The following ERO1B variants were observed in gnomAD, a reference collection of about 807,000 sequenced individuals.
ERO1B encodes the protein endoplasmic reticulum oxidoreductase 1 beta, also known as ERO1-like protein beta.
Under a neutral mutation model 75.3 loss-of-function variants are expected in ERO1B, and 49 were observed. The ratio of observed to expected loss-of-function variants is 0.65; its 90% CI spans 0.52 to 0.83. The LOEUF (loss-of-function observed/expected upper bound fraction) is 0.83, where lower values mean the gene tolerates loss of function less well. Ranked by LOEUF, ERO1B falls within the 40% of genes least tolerant of loss-of-function variation. ERO1B has a pLI of 0.00. For missense variants in ERO1B, 512 were observed against 560.1 expected, an observed-to-expected ratio of 0.91 and a Z score of 0.87; for synonymous variants, 191 against 192.9, an observed-to-expected ratio of 0.99 and a Z score of 0.08.
At chr1:236,269,829 C>T (rs756583871) in intron 2 of ERO1B, 46 bp downstream of exon 2, 3 of 1,365,782 alleles carry the variant, frequency 2.2e-6, no homozygotes, top group South Asian at 2.4e-5. Flanking sequence ...ATAAAGGTCA[C>T]ATATAATACC....
chr1:236,263,061 G>A lies in ERO1B; in HGVS notation c.222+6814C>T, dbSNP rs115175736. On this transcript the variant is annotated intron_variant, in intron 2 of 15. Coordinates refer to ENST00000354619, the MANE Select transcript of ERO1B (RefSeq NM_019891.4). ...CTTACCTGAGGTTTCCACTGAGGCT[G>A]CATCACAGCTTGACATCTCCCTTTG... Among the ~76,000 whole-genome samples the A allele has an allele frequency of 5.7e-3, 869 of 152,238 alleles. 11 individuals are homozygous for A. The highest frequency in any genetic ancestry group is 0.019 in the African/African-American group (776 of 41,540).
At chr1:236,269,491 G>T (rs768783801) in intron 2 of ERO1B, among the ~76,000 whole-genome samples, 11 of 152,198 alleles carry the variant, frequency 7.2e-5, no homozygotes, top group Non-Finnish European at 1.3e-4. Context: ...GTCCAACAAA[G>T]ATGCTGCTGT....
intron 13 of ERO1B, among the ~76,000 whole-genome samples, chr1:236,222,924 G>A (rs1361642500): frequency 6.6e-6 from 1 of 152,130 alleles, no homozygotes; most frequent in Non-Finnish European, 1.5e-5. Context: ...TTCCCACACT[G>A]GTCAGGCAGG....
At chr1:236,224,280 G>A (rs760989972) in intron 13 of ERO1B, among the ~76,000 whole-genome samples, 7 of 151,900 alleles carry the variant, frequency 4.6e-5, no homozygotes, top group African/African-American at 1.4e-4. Flanking sequence ...GAAACTACCC[G>A]GATTTCAGAA....
chr1:236,278,594 T>C (rs1465022160), intron 1 of ERO1B, among the ~76,000 whole-genome samples: 1 of 152,124 alleles, frequency 6.6e-6, no homozygotes, highest in Non-Finnish European at 1.5e-5. Context: ...TTCTGGCTTT[T>C]CATATATTGA....
intron 5 of ERO1B, among the ~76,000 whole-genome samples, chr1:236,248,325 G>A (rs1300479481): frequency 6.6e-6 from 1 of 152,176 alleles, no homozygotes; most frequent in Non-Finnish European, 1.5e-5. Flanking sequence ...CAAGCTGTCA[G>A]CACTGGAGTC....
intron 15 of ERO1B, 75 bp from the exon 16 acceptor site, chr1:236,218,651 T>C (rs1664059338): frequency 8.6e-7 from 1 of 1,167,206 alleles, no homozygotes; most frequent in South Asian, 3.2e-5. Context: ...TATTGTTACA[T>C]AAGCTATAAT....
intron 1 of ERO1B, among the ~76,000 whole-genome samples, chr1:236,272,843 A>C (rs578007667): frequency 1.5e-4 from 23 of 151,774 alleles, no homozygotes; most frequent in African/African-American, 5.1e-4. Flanking sequence ...TAATGTGTGA[A>C]TTTTTCTGTG....
intron 1 of ERO1B, among the ~76,000 whole-genome samples, chr1:236,279,678 A>AG: frequency 1.5e-5 from 2 of 133,458 alleles, no homozygotes; most frequent in Middle Eastern, 7.9e-3. Flanking sequence ...AAAAAAAAAA[A>AG]AAACACACAC....
chr1:236,277,176 G>A (rs921676732), intron 1 of ERO1B, among the ~76,000 whole-genome samples: 1 of 152,158 alleles, frequency 6.6e-6, no homozygotes, highest in African/African-American at 2.4e-5. Flanking sequence ...GGCCAAGGCA[G>A]GCAGATCACT....
At chr1:236,271,592 C>A (rs1460267711) in intron 1 of ERO1B, among the ~76,000 whole-genome samples, 1 of 151,790 alleles carries the variant, frequency 6.6e-6, no homozygotes, top group Non-Finnish European at 1.5e-5. Flanking sequence ...AATCATAGCC[C>A]CTAAATAGGA....
At chr1:236,258,129 GA>G (rs1208957110) in intron 2 of ERO1B, among the ~76,000 whole-genome samples, 2 of 7,162 alleles carry the variant, frequency 2.8e-4, no homozygotes, top group Non-Finnish European at 5.7e-4. Context: ...GAGAGAGAAA[GA>G]AAAAAAAGAA....
intron 4 of ERO1B, 41 bp downstream of exon 4, chr1:236,252,009 C>T (rs769291786): frequency 1.4e-6 from 2 of 1,411,078 alleles, no homozygotes; most frequent in Non-Finnish European, 2.0e-6. Flanking sequence ...GTAAGTTTCA[C>T]AATGTAAAGC....
At chr1:236,239,821 A>ATATG (rs1664641591) in intron 6 of ERO1B, among the ~76,000 whole-genome samples, 1 of 125,570 alleles carries the variant, frequency 8.0e-6, no homozygotes, top group Non-Finnish European at 1.6e-5. Context: ...GTATATATAT[A>ATATG]TGTGTATATA....
In ERO1B at chr1:236,222,084, G is replaced by A. The variant is rs937651634; in HGVS notation, c.1123-74C>T. The A allele has an allele frequency of 5.8e-6, 6 of 1,029,240 alleles. No homozygotes were observed. In the African/African-American group the frequency reaches 9.7e-5, roughly 17 times the overall value. The allele number at this position is 1,029,240 out of a possible 1,614,324, so 63.8% of individuals were successfully genotyped here. ...CCGCATTTGGCTAAACGATAAGTAA[G>A]TTTTGATGCTTATTAATAAATCAGT... On this transcript the variant is annotated intron_variant, in intron 13 of 15. Transcript: ENST00000354619.
chr1:236,247,842 T>C (rs533221564), intron 5 of ERO1B, among the ~76,000 whole-genome samples: 1 of 152,290 alleles, frequency 6.6e-6, no homozygotes, highest in South Asian at 2.1e-4. Context: ...AACATTTATA[T>C]ATACCTGGAA....
At chr1:236,240,968 G>A (rs1664683579) in intron 6 of ERO1B, among the ~76,000 whole-genome samples, 1 of 152,100 alleles carries the variant, frequency 6.6e-6, no homozygotes, top group Non-Finnish European at 1.5e-5. Context: ...CAAGAAGCAA[G>A]CCATGATAAA....
chr1:236,236,260 C>T lies in ERO1B; in HGVS notation c.626+18G>A. 6.2e-7 allele frequency: 1 copy of T among 1,613,382 alleles called. No homozygotes were observed. Among genetic ancestry groups the T allele is most frequent in the Non-Finnish European group, 8.5e-7 (1 of 1,179,604 alleles). On this transcript the variant is annotated intron_variant, in intron 7 of 15. Coordinates refer to ENST00000354619, the MANE Select transcript of ERO1B (RefSeq NM_019891.4). ...CCCTCTATCAGTCGTTCCTTCTTCCCCCACCCCCTCCAGTTACTTGAAACA... is the reference window on the plus strand; with the variant it reads ...CCCTCTATCAGTCGTTCCTTCTTCCTCCACCCCCTCCAGTTACTTGAAACA...
intron 15 of ERO1B, 43 bp downstream of exon 15, chr1:236,220,789 C>T (rs1342012149): frequency 1.3e-6 from 2 of 1,490,378 alleles, no homozygotes; most frequent in African/African-American, 1.4e-5. Flanking sequence ...TTTGTTGAAA[C>T]CCAATGGGAA....
Sources: allele counts gnomAD v4.1 joint callset (sites outside exome capture counted in the v4.1 genomes callset), GRCh38; gene constraint gnomAD v4.1.1; transcripts MANE v1.5; gene names NCBI Gene and HGNC (gene_info 2026-07-23, HGNC 2026-07-21).